The following RSPH14 variants were observed in gnomAD, a reference collection of about 807,000 sequenced individuals.
RSPH14 encodes the protein rhabdoid tumor deletion region gene 1.
A neutral mutation model predicts 26.7 loss-of-function variants in RSPH14; 20 were observed. The ratio of observed to expected loss-of-function variants is 0.75; its 90% CI spans 0.53 to 1.09. RSPH14 has a LOEUF of 1.09. Among genes scored for constraint, RSPH14 ranks in the 50% least tolerant of loss-of-function variants. The probability of loss-of-function intolerance (pLI) is 0.00; values close to 1 mark genes in which losing one functional copy is unlikely to be tolerated. For synonymous variants in RSPH14, 177 were observed against 189.3 expected (o/e 0.93, Z 0.53); for missense variants, 449 against 457.2 (o/e 0.98, Z 0.16).
At chr22:23,171,143 T>G in the RSPH14 span, among the ~76,000 whole-genome samples, 1 of 151,958 alleles carries the variant, frequency 6.6e-6, no homozygotes, top group Non-Finnish European at 1.5e-5. Context: ...AATTTTTGTA[T>G]TTTTAGTAGA....
rs867872152 is a variant in RSPH14, at chr22:23,095,343, G to A, written c.422-31210C>T. The A allele has an allele frequency of 2.6e-5, 7 of 271,158 alleles. 2 individuals carry two copies. Among genetic ancestry groups the A allele is most frequent in the South Asian group, 5.2e-5 (1 of 19,192 alleles). The allele number at this position is 271,158 out of a possible 1,614,324, so 16.8% of individuals were successfully genotyped here. ...AACCCTCCAGCCACTCAGCAACATCGCCACAGCAACCAGCAACCAGACGGC... is the reference window on the plus strand; with the variant it reads ...AACCCTCCAGCCACTCAGCAACATCACCACAGCAACCAGCAACCAGACGGC... On this transcript the variant is annotated intron_variant, in intron 4 of 6. Coordinates refer to ENST00000216036, the MANE Select transcript of RSPH14 (RefSeq NM_014433.3).
chr22:23,096,901 G>A (rs1364292095), intron 4 of RSPH14, among the ~76,000 whole-genome samples: 2 of 152,248 alleles, frequency 1.3e-5, no homozygotes, highest in African/African-American at 4.8e-5. Context: ...CTTTCACAGT[G>A]GCATGGGCGC....
chr22:23,068,737 T>A (rs1390821710), intron 4 of RSPH14, among the ~76,000 whole-genome samples: 1 of 152,244 alleles, frequency 6.6e-6, no homozygotes, highest in Admixed American at 6.5e-5. Context: ...GCATTTCCTA[T>A]AAACATTAAC....
At chr22:23,074,306 C>T (rs2068454509) in intron 4 of RSPH14, among the ~76,000 whole-genome samples, 1 of 152,144 alleles carries the variant, frequency 6.6e-6, no homozygotes, top group South Asian at 2.1e-4. Flanking sequence ...GGCTGCTGAC[C>T]CAGGGGTGGG....
chr22:23,074,997 T>C (rs575276361), intron 4 of RSPH14, among the ~76,000 whole-genome samples: 2 of 152,268 alleles, frequency 1.3e-5, no homozygotes, highest in Non-Finnish European at 2.9e-5. Flanking sequence ...TAAGAGCCTG[T>C]CTCTACAAAA....
chr22:23,177,125 A>G, the RSPH14 span, among the ~76,000 whole-genome samples: 1 of 152,144 alleles, frequency 6.6e-6, no homozygotes, highest in Non-Finnish European at 1.5e-5. Context: ...CCCACTTCCT[A>G]CTGCCTACAC....
chr22:23,151,891 G>A, the RSPH14 span, among the ~76,000 whole-genome samples: 1 of 152,200 alleles, frequency 6.6e-6, no homozygotes, highest in Admixed American at 6.5e-5. Context: ...CCTGTTCGGG[G>A]TGTGCCCCTT....
the RSPH14 span, among the ~76,000 whole-genome samples, chr22:23,168,217 C>T: frequency 6.6e-6 from 1 of 152,176 alleles, no homozygotes. Flanking sequence ...TGGCATGGGG[C>T]ATAAGCCCTG....
chr22:23,138,958 A>AC lies in RSPH14; in HGVS notation c.200-17_200-16insG, dbSNP rs1239702507. 52 of 1,528,934 alleles carry AC rather than the reference A, an allele frequency of 3.4e-5. No individual in the cohort carries two copies. The Middle Eastern group carries it at 1.0e-3, about 30-fold the overall frequency. 94.7% of individuals were successfully genotyped at this position (1,528,934 alleles called of 1,614,324 possible). A position where few individuals can be genotyped will look rare whatever the true frequency, so the allele number is the denominator to read the frequency against. On this transcript the variant is annotated splice_polypyrimidine_tract_variant and intron_variant, in intron 2 of 6. Transcript: ENST00000216036. ...TCCATACAGCCTAGAAAAAAAAAAA[A>AC]AAACAAACAAACCAACCCTTGAATT...
intron 4 of RSPH14, among the ~76,000 whole-genome samples, chr22:23,089,049 G>A (rs939449353): frequency 5.3e-5 from 8 of 152,172 alleles, no homozygotes; most frequent in Non-Finnish European, 8.8e-5. Flanking sequence ...CACTCTTTCC[G>A]TCGCCCAAGC....
chr22:23,083,965 G>A (rs2068745857), intron 4 of RSPH14, among the ~76,000 whole-genome samples: 1 of 152,162 alleles, frequency 6.6e-6, no homozygotes, highest in African/African-American at 2.4e-5. Context: ...GGGTGGAACA[G>A]GGCACTGTGA....
At chr22:23,118,616 G>A (rs1569185674) in intron 4 of RSPH14, among the ~76,000 whole-genome samples, 1 of 152,204 alleles carries the variant, frequency 6.6e-6, no homozygotes, top group Non-Finnish European at 1.5e-5. Context: ...TGAGGCCTTG[G>A]GCCCCATATG....
At chr22:23,082,886 CCA>C (rs2068720626) in intron 4 of RSPH14, among the ~76,000 whole-genome samples, 1 of 152,124 alleles carries the variant, frequency 6.6e-6, no homozygotes, top group Non-Finnish European at 1.5e-5. Flanking sequence ...TGTGCAGAGT[CCA>C]CAGTGTCTTC....
chr22:23,105,602 G>C (rs2069445325), intron 4 of RSPH14, among the ~76,000 whole-genome samples: 1 of 152,232 alleles, frequency 6.6e-6, no homozygotes, highest in South Asian at 2.1e-4. Flanking sequence ...GGTTCCTGGG[G>C]ATCCTCTGGA....
chr22:23,168,390 G>A, the RSPH14 span, among the ~76,000 whole-genome samples: 1 of 152,172 alleles, frequency 6.6e-6, no homozygotes, highest in Non-Finnish European at 1.5e-5. Context: ...GAGAAGACAT[G>A]TGGGGGGTTT....
At chr22:23,151,233 G>A in the RSPH14 span, among the ~76,000 whole-genome samples, 1 of 152,182 alleles carries the variant, frequency 6.6e-6, no homozygotes, top group Admixed American at 6.5e-5. Flanking sequence ...CATCTGTTGG[G>A]GAATGCTGGT....
In RSPH14 at chr22:23,134,186, C is replaced by A. The variant is rs939234144; in HGVS notation, c.303-42G>T. 5.6e-6 allele frequency: 8 copies of A among 1,433,698 alleles called. No individual in the cohort carries two copies. The Admixed American group carries it at 7.1e-5, about 13-fold the overall frequency. 88.8% of individuals were successfully genotyped at this position (1,433,698 alleles called of 1,614,324 possible). On this transcript the variant is annotated intron_variant, in intron 3 of 6. Coordinates refer to ENST00000216036, the MANE Select transcript of RSPH14 (RefSeq NM_014433.3). Reference sequence around the variant, plus strand: ...GGACAGTGACATAAGTGAGACCATGCCCTGAGAGGCTCAAATTAGAAGAGT... The same window carrying A: ...GGACAGTGACATAAGTGAGACCATGACCTGAGAGGCTCAAATTAGAAGAGT...
chr22:23,095,379 G>A, intron 4 of RSPH14: 1 of 334,774 alleles, frequency 3.0e-6, no homozygotes, highest in Non-Finnish European at 5.5e-6. Context: ...AGCAGCCGAG[G>A]CAAACACAAG....
intron 4 of RSPH14, chr22:23,122,328 C>G (rs1023293181): frequency 6.6e-6 from 1 of 152,580 alleles, no homozygotes; most frequent in African/African-American, 2.4e-5. Flanking sequence ...GTCACTGCCT[C>G]TTCCTGGCCC....
Sources: allele counts gnomAD v4.1 joint callset (sites outside exome capture counted in the v4.1 genomes callset), GRCh38; gene constraint gnomAD v4.1.1; transcripts MANE v1.5; gene names NCBI Gene and HGNC (gene_info 2026-07-23, HGNC 2026-07-21).